THSD7B: variants seen among roughly 807,000 people sequenced by gnomAD.
THSD7B encodes the protein thrombospondin type 1 domain containing 7B, also known as thrombospondin type-1 domain-containing protein 7B.
THSD7B carries 138 observed loss-of-function variants against 213.6 expected under a neutral mutation model. The ratio of observed to expected loss-of-function variants is 0.65; its 90% CI spans 0.56 to 0.74. THSD7B has a LOEUF of 0.74. Ranked by LOEUF, THSD7B falls within the 30% of genes least tolerant of loss-of-function variation. The pLI is 0.00. For synonymous variants in THSD7B, 742 were observed against 687.0 expected, an observed-to-expected ratio of 1.08 and a Z score of -1.25; for missense variants, 1,931 against 1,991.5, an observed-to-expected ratio of 0.97 and a Z score of 0.58.
At position 137,618,499 on chromosome 2, in the gene THSD7B, T is replaced by A. The variant is rs1216740211; in HGVS notation, c.3673T>A (p.Cys1225Ser). 2 of 1,613,606 alleles carry A rather than the reference T, an allele frequency of 1.2e-6. No homozygotes were observed. Among genetic ancestry groups the A allele is most frequent in the East Asian group, 2.2e-5 (1 of 44,896 alleles). ...SDGKPVSMDQ[C>S]EQHNLEKPQR... ...TGGCAAGCCAGTCAGCATGGACCAATGTGAGCAGGTACTGTGTTTATATTC... is the reference window on the plus strand; with the variant it reads ...TGGCAAGCCAGTCAGCATGGACCAAAGTGAGCAGGTACTGTGTTTATATTC... Residue 1225 changes from cysteine to serine, a missense_variant, in exon 19 of 28, where the codon TGT (cysteine) becomes AGT (serine). Transcript: ENST00000409968.
At chr2:137,238,616 C>T (rs1010218874) in intron 9 of THSD7B, among the ~76,000 whole-genome samples, 2 of 127,524 alleles carry the variant, frequency 1.6e-5, no homozygotes, top group African/African-American at 5.8e-5. Flanking sequence ...TGCAGTGGCG[C>T]AATCTCGGCT....
intron 10 of THSD7B, among the ~76,000 whole-genome samples, chr2:137,269,190 G>A (rs919051083): frequency 6.6e-6 from 1 of 151,910 alleles, no homozygotes; most frequent in African/African-American, 2.4e-5. Context: ...GTGTGGATCA[G>A]TTTCTCCTCT....
Position 137,057,195 on chromosome 2 carries a change from G to A in THSD7B, c.915G>A (p.Ser305=), listed in dbSNP as rs183866177. ...IEIGYQTRQV[S]CTRSDGQNAM... ...TAGGTTATCAAACCCGGCAGGTTTC[G>A]TGTACAAGAAGTGATGGACAAAATG... is the stretch of plus-strand genomic sequence containing the variant. Residue 305 remains serine, a synonymous_variant, in exon 3 of 28, where the codon TCG becomes TCA. Transcript: ENST00000409968. 140 of 1,613,638 alleles carry A rather than the reference G, an allele frequency of 8.7e-5. 2 individuals are homozygous for A. In the African/African-American group the frequency reaches 1.5e-3, roughly 17 times the overall value.
chr2:136,782,248 C>T (rs113205200), intron 1 of THSD7B, among the ~76,000 whole-genome samples: 22 of 152,084 alleles, frequency 1.4e-4, no homozygotes, highest in African/African-American at 5.3e-4. Context: ...AAGAGGTGTG[C>T]GCTTCTGCTG....
chr2:137,615,972 A>T (rs1682377960), intron 17 of THSD7B, among the ~76,000 whole-genome samples: 1 of 152,224 alleles, frequency 6.6e-6, no homozygotes. Context: ...AAGGTAACAC[A>T]GGAAAAACAA....
At chr2:137,478,626 C>T (rs540607901) in intron 15 of THSD7B, among the ~76,000 whole-genome samples, 1 of 152,152 alleles carries the variant, frequency 6.6e-6, no homozygotes, top group Admixed American at 6.5e-5. Context: ...GTCATGTTCT[C>T]TTGCTTTTTC....
In THSD7B at chr2:137,094,921, G is replaced by T; in HGVS notation, c.999G>T (p.Met333Ile). Residue 333 changes from methionine (M) to isoleucine (I), a missense_variant, in exon 4 of 28, where the codon ATG becomes ATT. Coordinates refer to ENST00000409968, the MANE Select transcript of THSD7B (RefSeq NM_001316349.2). Reference protein sequence around the residue: ...SFPLTVQSCIMPKDCETSQWS... With the variant: ...SFPLTVQSCIIPKDCETSQWS... ...CATTGACTGTTCAGTCCTGCATCAT[G>T]CCCAAAGACTGTGAAACCTCCCAGT... The T allele has an allele frequency of 6.2e-7, 1 of 1,613,682 alleles. No individual in the cohort carries two copies. Among genetic ancestry groups the T allele is most frequent in the Non-Finnish European group, 8.5e-7 (1 of 1,179,812 alleles).
chr2:137,516,858 G>A (rs1263493767), intron 15 of THSD7B, among the ~76,000 whole-genome samples: 1 of 152,162 alleles, frequency 6.6e-6, no homozygotes, highest in Admixed American at 6.5e-5. Context: ...TTTCTCCAAG[G>A]GATTGCGGAG....
Position 137,657,271 on chromosome 2 carries a change from C to T in THSD7B, c.4375+111C>T, listed in dbSNP as rs183601431. The T allele has an allele frequency of 5.3e-4, 505 of 959,046 alleles. 2 individuals carry two copies. The African/African-American group carries it at 7.4e-3, about 14-fold the overall frequency. The allele number at this position is 959,046 out of a possible 1,614,324, so 59.4% of individuals were successfully genotyped here. On this transcript the variant is annotated intron_variant, in intron 24 of 27. Coordinates refer to ENST00000409968, the MANE Select transcript of THSD7B (RefSeq NM_001316349.2). ...AACAAGGGGTGACTTGGGCAGGTAGCTTAGATGAATTTTATTACAAATTTT... is the reference window on the plus strand; with the variant it reads ...AACAAGGGGTGACTTGGGCAGGTAGTTTAGATGAATTTTATTACAAATTTT...
At chr2:137,450,546 G>A in intron 14 of THSD7B, among the ~76,000 whole-genome samples, 1 of 152,174 alleles carries the variant, frequency 6.6e-6, no homozygotes, top group Non-Finnish European at 1.5e-5. Flanking sequence ...AGGGGAGATG[G>A]CTCCATCTTT....
chr2:137,430,814 T>C (rs959991864), intron 14 of THSD7B, among the ~76,000 whole-genome samples: 2 of 151,810 alleles, frequency 1.3e-5, no homozygotes, highest in East Asian at 3.9e-4. Flanking sequence ...TCAGCAACCA[T>C]AGGGATGGGG....
At chr2:137,136,083 A>G (rs988756486) in intron 5 of THSD7B, among the ~76,000 whole-genome samples, 3 of 152,124 alleles carry the variant, frequency 2.0e-5, no homozygotes, top group African/African-American at 7.2e-5. Context: ...GTTCTTACTC[A>G]TAAGTGGGAA....
At chr2:137,145,463 A>T (rs1055031495) in intron 5 of THSD7B, among the ~76,000 whole-genome samples, 7 of 152,014 alleles carry the variant, frequency 4.6e-5, no homozygotes, top group Admixed American at 2.0e-4. Flanking sequence ...GTGCCTTACC[A>T]TTATCTGTAC....
chr2:137,672,253 C>T (rs932479989), intron 27 of THSD7B, among the ~76,000 whole-genome samples: 1 of 152,084 alleles, frequency 6.6e-6, no homozygotes, highest in African/African-American at 2.4e-5. Context: ...TTGCTATTGC[C>T]ATCCCTATTT....
intron 16 of THSD7B, among the ~76,000 whole-genome samples, chr2:137,569,105 A>C (rs926466094): frequency 6.6e-6 from 1 of 152,210 alleles, no homozygotes; most frequent in Non-Finnish European, 1.5e-5. Flanking sequence ...GAAGCCAGGC[A>C]CCAAGAAATG....
chr2:137,102,625 G>A (rs2104926355), intron 4 of THSD7B, among the ~76,000 whole-genome samples: 1 of 152,246 alleles, frequency 6.6e-6, no homozygotes, highest in African/African-American at 2.4e-5. Context: ...CCAATGCAAG[G>A]AAGCTAAGAA....
chr2:137,225,482 A>G (rs1573897590), intron 7 of THSD7B, among the ~76,000 whole-genome samples: 2 of 152,152 alleles, frequency 1.3e-5, no homozygotes, highest in Non-Finnish European at 2.9e-5. Context: ...CACAACCCCA[A>G]TGGATAAGAA....
chr2:137,620,500 A>G, intron 19 of THSD7B, 109 bp from the exon 20 acceptor site: 1 of 735,062 alleles, frequency 1.4e-6, no homozygotes, highest in South Asian at 1.9e-5. Context: ...CCACTGAAAT[A>G]TGGAAAGGTT....
At chr2:137,332,428 G>A (rs1161891082) in intron 12 of THSD7B, among the ~76,000 whole-genome samples, 1 of 152,156 alleles carries the variant, frequency 6.6e-6, no homozygotes, top group Non-Finnish European at 1.5e-5. Flanking sequence ...TTGCGTCTAG[G>A]AAGTAACTAA....
Sources: gnomAD v4.1 joint callset for allele counts (sites outside exome capture counted in the v4.1 genomes callset) on GRCh38, gnomAD v4.1.1 for gene constraint, MANE v1.5 for transcripts, NCBI Gene and HGNC (gene_info 2026-07-23, HGNC 2026-07-21) for gene names.